The following EPG5 variants were observed in gnomAD, a reference collection of about 807,000 sequenced individuals.
EPG5 encodes the protein ectopic P granules protein 5 homolog.
Under a neutral mutation model 302.7 loss-of-function variants are expected in EPG5, and 159 were observed. The ratio of observed to expected loss-of-function variants is 0.53; its 90% confidence interval spans 0.46 to 0.60. EPG5 has a LOEUF of 0.60. Among genes scored for constraint, EPG5 ranks in the 20% least tolerant of loss-of-function variants. The probability of loss-of-function intolerance (pLI) is 0.00; values close to 1 mark genes in which losing one functional copy is unlikely to be tolerated. For missense variants in EPG5, 2,896 were observed against 3,092.4 expected, an observed-to-expected ratio of 0.94 and a Z score of 1.51; for synonymous variants, 1,158 against 1,136.8, an observed-to-expected ratio of 1.02 and a Z score of -0.37.
the EPG5 span, among the ~76,000 whole-genome samples, chr18:45,827,097 G>A: frequency 1.3e-5 from 2 of 152,150 alleles, no homozygotes; most frequent in African/African-American, 4.8e-5. Context: ...TAAATTTTTA[G>A]TAGAGACAGA....
At chr18:45,896,639 C>T (rs186445343) in intron 27 of EPG5, among the ~76,000 whole-genome samples, 2 of 147,694 alleles carry the variant, frequency 1.4e-5, no homozygotes, top group Non-Finnish European at 3.1e-5. Context: ...GGACCTCCTG[C>T]GGTTAAGTGA....
intron 6 of EPG5, among the ~76,000 whole-genome samples, chr18:45,947,046 G>A (rs533956747): frequency 2.0e-5 from 3 of 152,238 alleles, no homozygotes; most frequent in East Asian, 3.9e-4. Flanking sequence ...CATATGCTGC[G>A]GACCTTAACT....
the EPG5 span, among the ~76,000 whole-genome samples, chr18:45,824,715 G>A: frequency 3.3e-5 from 5 of 152,160 alleles, no homozygotes; most frequent in Admixed American, 6.5e-5. Flanking sequence ...AGGAGGTGGT[G>A]TCAAGGGGGA....
At chr18:45,939,397 T>TGAGA (rs371421015) in intron 10 of EPG5, among the ~76,000 whole-genome samples, 6 of 150,232 alleles carry the variant, frequency 4.0e-5, no homozygotes, top group African/African-American at 1.5e-4. Context: ...AGAAAGAAAT[T>TGAGA]GAGAGAGAGA....
Position 45,857,747 on chromosome 18 carries a change from C to G in EPG5, c.7442+106G>C, listed in dbSNP as rs1305238636. On this transcript the variant is annotated intron_variant, in intron 42 of 43. Coordinates refer to ENST00000282041, the MANE Select transcript of EPG5 (RefSeq NM_020964.3). ...TTTTCCATTAATCTTTCTGGAGAACCTAGATCCTAAGTCGAAAAACCTACT... is the reference window on the plus strand; with the variant it reads ...TTTTCCATTAATCTTTCTGGAGAACGTAGATCCTAAGTCGAAAAACCTACT... The G allele has an allele frequency of 4.0e-6, 3 of 746,178 alleles. No homozygotes were observed. The East Asian group carries it at 7.6e-5, about 19-fold the overall frequency. The allele number at this position is 746,178 out of a possible 1,614,324, so 46.2% of individuals were successfully genotyped here. A position where few individuals can be genotyped will look rare whatever the true frequency, so the allele number is the denominator to read the frequency against.
chr18:45,815,503 G>C, the EPG5 span, among the ~76,000 whole-genome samples: 1 of 151,404 alleles, frequency 6.6e-6, no homozygotes, highest in Non-Finnish European at 1.5e-5. Context: ...CAGCAACCAA[G>C]CAGAGAATCA....
chr18:45,838,658 C>A, the EPG5 span: 1 of 1,460,448 alleles, frequency 6.8e-7, no homozygotes, highest in South Asian at 1.4e-5. Context: ...CCGGCTCTGG[C>A]GTCCAAAGGG....
intron 13 of EPG5, among the ~76,000 whole-genome samples, chr18:45,927,906 T>C (rs1006536427): frequency 1.3e-5 from 2 of 151,970 alleles, no homozygotes; most frequent in African/African-American, 4.8e-5. Flanking sequence ...GTAAGAGTGA[T>C]AGCTGGGCCA....
the EPG5 span, among the ~76,000 whole-genome samples, chr18:45,802,461 A>T: frequency 6.6e-6 from 1 of 152,176 alleles, no homozygotes; most frequent in Non-Finnish European, 1.5e-5. Context: ...TAGAGATTGC[A>T]GTGAGCTGAG....
At chr18:45,928,495 G>A (rs2050326703) in intron 13 of EPG5, among the ~76,000 whole-genome samples, 1 of 152,164 alleles carries the variant, frequency 6.6e-6, no homozygotes, top group Non-Finnish European at 1.5e-5. Context: ...GCTTTTGGCT[G>A]ACTTTAAATA....
At chr18:45,855,503 G>T in intron 43 of EPG5, 70 bp downstream of exon 43, 1 of 1,097,976 alleles carries the variant, frequency 9.1e-7, no homozygotes, top group Non-Finnish European at 1.4e-6. Flanking sequence ...CACAGGCTAC[G>T]GCTGCCACCT....
At chr18:45,878,920 A>C in intron 33 of EPG5, 93 bp downstream of exon 33, 1 of 981,330 alleles carries the variant, frequency 1.0e-6, no homozygotes. Context: ...TCTCTCCTTG[A>C]CACTCAATAT....
intron 1 of EPG5, among the ~76,000 whole-genome samples, chr18:45,966,776 G>A (rs1174735600): frequency 1.3e-5 from 2 of 152,172 alleles, no homozygotes; most frequent in East Asian, 3.9e-4. Context: ...GTGGAGGAGG[G>A]GAACATTCCC....
chr18:45,801,486 A>G, the EPG5 span, among the ~76,000 whole-genome samples: 1 of 152,176 alleles, frequency 6.6e-6, no homozygotes, highest in African/African-American at 2.4e-5. Flanking sequence ...CTTGACAGTT[A>G]TGAAACAGGA....
chr18:45,891,498 CAA>C (rs763632848), intron 27 of EPG5, among the ~76,000 whole-genome samples: 14 of 50,370 alleles, frequency 2.8e-4, no homozygotes, highest in Admixed American at 7.4e-4. Flanking sequence ...GACTCCGTCT[CAA>C]AAAAAAAAAA....
chr18:45,885,994 C>G (rs2049209226), intron 29 of EPG5, among the ~76,000 whole-genome samples: 1 of 152,176 alleles, frequency 6.6e-6, no homozygotes, highest in East Asian at 1.9e-4. Context: ...TGAAATACCA[C>G]TCCCTTATCA....
the EPG5 span, chr18:45,837,157 G>A: frequency 6.3e-7 from 1 of 1,594,364 alleles, no homozygotes; most frequent in Non-Finnish European, 8.5e-7. Context: ...AGATCCCAGG[G>A]TTTTTCCACA....
At chr18:45,836,904 C>A in the EPG5 span, 4 of 651,346 alleles carry the variant, frequency 6.1e-6, no homozygotes, top group African/African-American at 5.4e-5. Flanking sequence ...AGAATGCAGG[C>A]TGTAGAGTGA....
intron 16 of EPG5, among the ~76,000 whole-genome samples, chr18:45,919,207 C>T (rs1451126089): frequency 2.0e-5 from 3 of 152,254 alleles, no homozygotes; most frequent in Non-Finnish European, 4.4e-5. Context: ...TCCACCCATA[C>T]CTAAGATTGT....
Sources: allele counts gnomAD v4.1 joint callset (sites outside exome capture counted in the v4.1 genomes callset), GRCh38; gene constraint gnomAD v4.1.1; transcripts MANE v1.5; gene names NCBI Gene and HGNC (gene_info 2026-07-23, HGNC 2026-07-21).